The following DNAJC9 variants were observed in gnomAD, a reference collection of about 807,000 sequenced individuals.
DNAJC9 encodes the protein DnaJ heat shock protein family (Hsp40) member C9.
In DNAJC9, 18 loss-of-function variants were observed where a neutral mutation model predicts 32.4. That is an observed-to-expected ratio of 0.56 (90% CI 0.38 to 0.82). The LOEUF is 0.82. DNAJC9 is among the 40% of genes least tolerant of loss of function. DNAJC9 has a pLI of 0.00. For synonymous variants in DNAJC9, 113 were observed against 122.1 expected (o/e 0.93, Z 0.49); for missense variants, 310 against 321.8 (o/e 0.96, Z 0.28).
chr10:73,233,050 G>A (rs1247384164), intron 2 of DNAJC9: 1 of 1,551,646 alleles, frequency 6.4e-7, no homozygotes, highest in African/African-American at 1.4e-5. Context: ...CATACACAGT[G>A]CAGTCCACCA....
At position 73,246,748 on chromosome 10, in the gene DNAJC9, G is replaced by A; in HGVS notation, c.261C>T (p.Asp87=). The change falls in exon 2 of 5, where the codon GAC becomes GAT. Residue 87 remains aspartate, a synonymous_variant. Transcript: ENST00000372950. ...VYDEQGTVDE[D]SPVLTQDRDW... ...CTCGGTCTTGGGTGAGCACAGGAGA[G>A]TCCTCGTCCACTGTTCCCTGCTCAT... The A allele has an allele frequency of 6.2e-7, 1 of 1,614,064 alleles. No individual in the cohort carries two copies. Among genetic ancestry groups the A allele is most frequent in the South Asian group, 1.1e-5 (1 of 91,072 alleles).
At position 73,246,780 on chromosome 10, in the gene DNAJC9, C is replaced by A. The variant is rs772545392; in HGVS notation, c.229G>T (p.Val77Leu). The change falls in exon 2 of 5, where the codon GTG becomes TTG. Residue 77 changes from valine to leucine, a missense_variant. Transcript: ENST00000372950. ...SVLSDREQRA[V>L]YDEQGTVDED... ...TCCACTGTTCCCTGCTCATCGTACA[C>A]TGCTCTCTGTTCTCTGTCACTGAGA... 51 of 1,614,086 alleles carry A rather than the reference C, an allele frequency of 3.2e-5. No individual in the cohort carries two copies. The highest frequency in any genetic ancestry group is 4.1e-5 in the Non-Finnish European group (48 of 1,180,032).
rs1206260392 is a variant in DNAJC9 at position 73,245,991 on chromosome 10, G to A, written c.507C>T (p.Ala169=). The A allele has an allele frequency of 4.3e-6, 7 of 1,613,304 alleles. No homozygotes were observed. The highest frequency in any genetic ancestry group is 1.7e-5 in the Admixed American group (1 of 59,848). The change falls in exon 3 of 5, where the codon GCC becomes GCT. Residue 169 remains alanine (A), a synonymous_variant. Transcript: ENST00000372950. ...AGGCATTATAGGATGGGACCTCTCC[G>A]GCGTCAATAGCTTGCTGAATGATAT... The part of the protein sequence containing the change: ...IRNIIQQAID[A]GEVPSYNAFV...
chr10:73,240,798 A>G (rs2043932439), downstream of DNAJC9: 1 of 575,774 alleles, frequency 1.7e-6, no homozygotes, highest in Non-Finnish European at 3.1e-6. Context: ...CTTTTTAATT[A>G]GTGGGCTCTT....
At position 73,245,849 on chromosome 10, in the gene DNAJC9, C is replaced by A. The variant is rs534551857; in HGVS notation, c.576+73G>T. On this transcript the variant is annotated intron_variant, in intron 3 of 4. Transcript: ENST00000372950. ...TATTTCTGGAGTTTTATGTTTACTT[C>A]TACTGCTGTAAATACTCTCAAATCC... 3.4e-4 allele frequency: 528 copies of A among 1,556,688 alleles called. 4 individuals carry two copies. In the African/African-American group the frequency reaches 6.4e-3, roughly 19 times the overall value.
chr10:73,243,289 A>C lies in DNAJC9; in HGVS notation c.*111T>G, dbSNP rs144235571. The C allele has an allele frequency of 3.1e-5, 39 of 1,256,272 alleles. No homozygotes were observed. In the African/African-American group the frequency reaches 4.9e-4, roughly 16 times the overall value. The allele number at this position is 1,256,272 out of a possible 1,614,324, so 77.8% of individuals were successfully genotyped here. A position where few individuals can be genotyped will look rare whatever the true frequency, so the allele number is the denominator to read the frequency against. ...AGTCAATCTGAAAAATTCAGGCTGG[A>C]AAGACACCTTTTCTCAAGAGCTGAA... is the stretch of plus-strand genomic sequence containing the variant. On this transcript the variant is annotated 3_prime_UTR_variant, in exon 5 of 5. Coordinates refer to ENST00000372950, the MANE Select transcript of DNAJC9 (RefSeq NM_015190.5).
At chr10:73,235,591 G>GTACA, downstream of DNAJC9, 1 of 501,518 alleles carries the variant, frequency 2.0e-6, no homozygotes, top group South Asian at 2.5e-5. Context: ...TTAAATCCCA[G>GTACA]TACACATCAG....
downstream of DNAJC9, among the ~76,000 whole-genome samples, chr10:73,240,122 G>A (rs1043189517): frequency 6.6e-6 from 1 of 152,178 alleles, no homozygotes; most frequent in African/African-American, 2.4e-5. Context: ...GTCTTGCTAT[G>A]TTGCCCAGGC....
downstream of DNAJC9, among the ~76,000 whole-genome samples, chr10:73,239,847 GTCTGAT>G (rs1419537098): frequency 1.3e-5 from 2 of 152,214 alleles, no homozygotes; most frequent in Non-Finnish European, 2.9e-5. Context: ...GATATGCTGA[GTCTGAT>G]TCTATCGCAT....
intron 3 of DNAJC9, among the ~76,000 whole-genome samples, chr10:73,245,528 C>T (rs928137357): frequency 6.6e-6 from 1 of 152,094 alleles, no homozygotes; most frequent in African/African-American, 2.4e-5. Context: ...AACATCTGCA[C>T]TTTTAACAAG....
chr10:73,246,907 G>C (rs1012144408), intron 1 of DNAJC9, 79 bp from the exon 2 acceptor site: 11 of 1,600,146 alleles, frequency 6.9e-6, no homozygotes, highest in Non-Finnish European at 9.4e-6. Flanking sequence ...ATCAGAAGGC[G>C]CCAAGCGGAG....
downstream of DNAJC9, chr10:73,240,882 A>G (rs2043934497): frequency 5.1e-6 from 5 of 980,556 alleles, no homozygotes; most frequent in Admixed American, 4.0e-5. Flanking sequence ...GCCCTTAGCT[A>G]TAAACTTGAG....
chr10:73,236,412 CCTTT>C (rs1320545196), downstream of DNAJC9, among the ~76,000 whole-genome samples: 1 of 145,866 alleles, frequency 6.9e-6, no homozygotes, highest in African/African-American at 2.6e-5. Flanking sequence ...CCAATTTCTG[CCTTT>C]TTTTTTTTTT....
At chr10:73,233,241 G>C in intron 2 of DNAJC9, 1 of 1,034,178 alleles carries the variant, frequency 9.7e-7, no homozygotes, top group South Asian at 1.4e-5. Flanking sequence ...TTAAATATAA[G>C]ACTGAAATCT....
downstream of DNAJC9, chr10:73,234,669 T>C: frequency 1.2e-6 from 1 of 853,022 alleles, no homozygotes; most frequent in Non-Finnish European, 1.8e-6. Flanking sequence ...CCAAAAATCC[T>C]GAGATCTCTA....
At chr10:73,243,548 C>T in intron 4 of DNAJC9, 29 bp from the exon 5 acceptor site, 1 of 1,613,558 alleles carries the variant, frequency 6.2e-7, no homozygotes, top group Non-Finnish European at 8.5e-7. Context: ...CACAAGCTTT[C>T]ACAACATTAT....
intron 2 of DNAJC9, chr10:73,232,827 C>A: frequency 1.5e-6 from 1 of 653,832 alleles, no homozygotes; most frequent in Non-Finnish European, 2.7e-6. Flanking sequence ...TTTATTTTTG[C>A]TTTATTTCCC....
At chr10:73,245,809 G>C in intron 3 of DNAJC9, 113 bp downstream of exon 3, 1 of 1,349,622 alleles carries the variant, frequency 7.4e-7, no homozygotes, top group Non-Finnish European at 1.0e-6. Context: ...TATAGACCAA[G>C]TTAACCCTAG....
downstream of DNAJC9, chr10:73,234,794 G>GT: frequency 1.3e-6 from 2 of 1,550,094 alleles, no homozygotes; most frequent in Non-Finnish European, 1.7e-6. Context: ...TCATACCTTC[G>GT]TGTTTGTTGG....
Sources: allele counts gnomAD v4.1 joint callset (sites outside exome capture counted in the v4.1 genomes callset), GRCh38; gene constraint gnomAD v4.1.1; transcripts MANE v1.5; gene names NCBI Gene and HGNC (gene_info 2026-07-23, HGNC 2026-07-21).